RBFOX1: variants seen among roughly 807,000 people sequenced by gnomAD.
RBFOX1 encodes RNA binding protein fox-1 homolog 1.
Under a neutral mutation model 57.7 loss-of-function variants are expected in RBFOX1, and 8 were observed. The ratio of observed to expected loss-of-function variants is 0.14; its 90% CI spans 0.08 to 0.25. The LOEUF (loss-of-function observed/expected upper bound fraction) is 0.25. RBFOX1 is among the 10% of genes least tolerant of loss of function. The pLI is 1.00. For synonymous variants in RBFOX1, 326 were observed against 222.4 expected (o/e 1.47, Z -4.15); for missense variants, 611 against 548.5 (o/e 1.11, Z -1.14).
intron 2 of RBFOX1, among the ~76,000 whole-genome samples, chr16:6,445,822 C>T (rs1289435514): frequency 6.6e-6 from 1 of 152,150 alleles, no homozygotes; most frequent in East Asian, 1.9e-4. Flanking sequence ...ACCTCGTGAT[C>T]TGCCCTCCTC....
intron 4 of RBFOX1, among the ~76,000 whole-genome samples, chr16:7,434,078 T>C (rs1376406220): frequency 6.6e-6 from 1 of 151,418 alleles, no homozygotes; most frequent in East Asian, 1.9e-4. Context: ...GTAAAGCAGG[T>C]AAAAAGGAAG....
chr16:6,652,673 A>G (rs189299266), intron 2 of RBFOX1, among the ~76,000 whole-genome samples: 2 of 152,270 alleles, frequency 1.3e-5, no homozygotes, highest in Admixed American at 1.3e-4. Context: ...TTTTTATGGC[A>G]TTCCTAGCCG....
At chr16:6,636,381 A>G (rs145339515) in intron 2 of RBFOX1, among the ~76,000 whole-genome samples, 1,528 of 152,204 alleles carry the variant, frequency 0.01, 30 homozygotes, top group African/African-American at 0.034. Flanking sequence ...GGTGTTAGCC[A>G]GGATGGTCTC....
chr16:6,421,364 G>A (rs897060215), intron 2 of RBFOX1, among the ~76,000 whole-genome samples: 2 of 152,206 alleles, frequency 1.3e-5, no homozygotes, highest in Non-Finnish European at 2.9e-5. Flanking sequence ...AATGAGAAAA[G>A]CGTATTATGT....
At chr16:7,275,199 A>G (rs745470677) in intron 4 of RBFOX1, among the ~76,000 whole-genome samples, 5 of 152,112 alleles carry the variant, frequency 3.3e-5, no homozygotes, top group Non-Finnish European at 7.4e-5. Flanking sequence ...AAAACAGACA[A>G]TCGACATCAC....
intron 3 of RBFOX1, among the ~76,000 whole-genome samples, chr16:6,748,057 C>T (rs1196695192): frequency 6.6e-6 from 1 of 152,140 alleles, no homozygotes; most frequent in Admixed American, 6.6e-5. Flanking sequence ...TTTATTGAAC[C>T]ATTTTCCTGA....
chr16:7,670,766 C>T (rs1313417268), intron 13 of RBFOX1, among the ~76,000 whole-genome samples: 1 of 152,158 alleles, frequency 6.6e-6, no homozygotes, highest in Admixed American at 6.5e-5. Context: ...AGTGTTCAGC[C>T]ATCTCAGTGT....
At chr16:5,680,707 G>A (rs1276139651) in intron 3 of RBFOX1, among the ~76,000 whole-genome samples, 1 of 152,150 alleles carries the variant, frequency 6.6e-6, no homozygotes, top group Non-Finnish European at 1.5e-5. Context: ...AACTTTAGGG[G>A]CCAGCAAAGG....
At chr16:5,777,093 C>T (rs888672876) in intron 3 of RBFOX1, among the ~76,000 whole-genome samples, 1 of 152,198 alleles carries the variant, frequency 6.6e-6, no homozygotes, top group African/African-American at 2.4e-5. Context: ...GCAAATTACT[C>T]ACACTTTGTG....
chr16:5,494,252 C>G (rs1012731120), intron 2 of RBFOX1, among the ~76,000 whole-genome samples: 6 of 152,196 alleles, frequency 3.9e-5, no homozygotes, highest in African/African-American at 2.4e-5. Flanking sequence ...ACCTTGTTCC[C>G]AAAGTCTAGA....
intron 7 of RBFOX1, among the ~76,000 whole-genome samples, chr16:7,590,785 G>T (rs2094401952): frequency 1.3e-5 from 2 of 151,552 alleles, no homozygotes; most frequent in Non-Finnish European, 2.9e-5. Flanking sequence ...CTTGAACCCG[G>T]GGGGTGGAGA....
chr16:7,199,743 G>A (rs7204476), intron 4 of RBFOX1, among the ~76,000 whole-genome samples: 100,426 of 151,912 alleles, frequency 0.66, 34,299 homozygotes, highest in African/African-American at 0.84. Context: ...AAAATACAAA[G>A]ATTAGCTGGG....
chr16:7,708,539 C>G (rs758494), intron 14 of RBFOX1, among the ~76,000 whole-genome samples: 149,176 of 152,290 alleles, frequency 0.98, 73,143 homozygotes, highest in Middle Eastern at 1. Flanking sequence ...CCCTTTAAGG[C>G]TGCTTCCATT....
chr16:5,825,064 A>T (rs1220928619), intron 3 of RBFOX1, among the ~76,000 whole-genome samples: 1 of 152,212 alleles, frequency 6.6e-6, no homozygotes, highest in Non-Finnish European at 1.5e-5. Context: ...TTGACTAAGA[A>T]GTTAGACTCT....
At chr16:5,432,176 G>A (rs560982453) in intron 1 of RBFOX1, among the ~76,000 whole-genome samples, 46 of 152,320 alleles carry the variant, frequency 3.0e-4, no homozygotes, top group African/African-American at 1.1e-3. Context: ...ACAGCGAGGT[G>A]TGGACATCAC....
chr16:7,260,657 T>A (rs1323870112), intron 4 of RBFOX1, among the ~76,000 whole-genome samples: 2 of 152,030 alleles, frequency 1.3e-5, no homozygotes, highest in African/African-American at 4.8e-5. Flanking sequence ...TTCCATTAGT[T>A]TATTGATTTT....
chr16:5,294,241 C>A (rs1244136770), intron 1 of RBFOX1, among the ~76,000 whole-genome samples: 4 of 151,918 alleles, frequency 2.6e-5, no homozygotes, highest in Non-Finnish European at 4.4e-5. Flanking sequence ...AAACAAAAAA[C>A]AAGAAACACA....
At chr16:5,882,743 G>A (rs542806379) in intron 4 of RBFOX1, among the ~76,000 whole-genome samples, 1 of 152,128 alleles carries the variant, frequency 6.6e-6, no homozygotes, top group African/African-American at 2.4e-5. Flanking sequence ...TTGTCCCTGG[G>A]CGGGTTAAAG....
intron 11 of RBFOX1, among the ~76,000 whole-genome samples, chr16:7,644,755 G>A (rs370540584): frequency 4.6e-4 from 70 of 152,276 alleles, no homozygotes; most frequent in African/African-American, 1.6e-3. Flanking sequence ...CAACTCAGGT[G>A]ATAAGAAACT....
Sources: gnomAD v4.1 joint callset for allele counts (sites outside exome capture counted in the v4.1 genomes callset) on GRCh38, gnomAD v4.1.1 for gene constraint, MANE v1.5 for transcripts, NCBI Gene and HGNC (gene_info 2026-07-23, HGNC 2026-07-21) for gene names.